The following SORCS1 variants were observed in gnomAD, a reference collection of about 807,000 sequenced individuals.
SORCS1 encodes the protein VPS10 domain-containing receptor SorCS1.
In SORCS1, 60 loss-of-function variants were observed where a neutral mutation model predicts 146.1. The ratio of observed to expected loss-of-function variants is 0.41; its 90% CI spans 0.33 to 0.51. The LOEUF is 0.51. Among genes scored for constraint, SORCS1 ranks in the 20% least tolerant of loss-of-function variants. The probability of loss-of-function intolerance (pLI) is 0.21; values close to 1 mark genes in which losing one functional copy is unlikely to be tolerated. For synonymous variants in SORCS1, 637 were observed against 584.0 expected (o/e 1.09, Z -1.31); for missense variants, 1,352 against 1,487.6 (o/e 0.91, Z 1.50).
chr10:106,834,852 AAG>A (rs1262995073), intron 2 of SORCS1, among the ~76,000 whole-genome samples: 1 of 152,214 alleles, frequency 6.6e-6, no homozygotes, highest in African/African-American at 2.4e-5. Context: ...ATAAATGAAA[AAG>A]AGAGCTTCTG....
At chr10:106,609,137 T>C (rs537491787) in intron 22 of SORCS1, among the ~76,000 whole-genome samples, 1 of 152,280 alleles carries the variant, frequency 6.6e-6, no homozygotes, top group African/African-American at 2.4e-5. Context: ...CTGCTGATGC[T>C]TTTGAAGCCT....
intron 1 of SORCS1, among the ~76,000 whole-genome samples, chr10:107,000,164 ATGT>A (rs1957158891): frequency 6.6e-6 from 1 of 152,234 alleles, no homozygotes; most frequent in Non-Finnish European, 1.5e-5. Flanking sequence ...ATTTTTTAAA[ATGT>A]TGTTACTGTA....
intron 5 of SORCS1, among the ~76,000 whole-genome samples, chr10:106,749,154 G>C (rs1179489521): frequency 6.6e-6 from 1 of 152,158 alleles, no homozygotes; most frequent in Non-Finnish European, 1.5e-5. Context: ...TCTCTGTAAG[G>C]TTTCATATTA....
intron 3 of SORCS1, among the ~76,000 whole-genome samples, chr10:106,792,293 T>G (rs1270864464): frequency 6.6e-6 from 1 of 152,250 alleles, no homozygotes; most frequent in Non-Finnish European, 1.5e-5. Flanking sequence ...TTCTCCTTTT[T>G]GTACTATGTC....
chr10:106,840,710 A>C (rs755353132), intron 2 of SORCS1, among the ~76,000 whole-genome samples: 1 of 151,896 alleles, frequency 6.6e-6, no homozygotes, highest in Non-Finnish European at 1.5e-5. Context: ...AGGAAACTTT[A>C]TTGTTATTTT....
At chr10:107,088,886 A>C (rs917824565) in intron 1 of SORCS1, among the ~76,000 whole-genome samples, 5 of 152,228 alleles carry the variant, frequency 3.3e-5, no homozygotes, top group Non-Finnish European at 7.3e-5. Flanking sequence ...GGATCTGTGT[A>C]ATTTCCAATC....
At chr10:107,116,478 G>T (rs555819311) in intron 1 of SORCS1, among the ~76,000 whole-genome samples, 51 of 152,096 alleles carry the variant, frequency 3.4e-4, no homozygotes, top group African/African-American at 1.2e-3. Flanking sequence ...ACAAGCAATG[G>T]AACATTATAC....
intron 1 of SORCS1, among the ~76,000 whole-genome samples, chr10:106,977,493 T>C (rs957443296): frequency 5.3e-5 from 8 of 152,132 alleles, no homozygotes; most frequent in Non-Finnish European, 1.2e-4. Flanking sequence ...TGTTCATCAG[T>C]GAACAGACAA....
intron 5 of SORCS1, among the ~76,000 whole-genome samples, chr10:106,732,541 T>C (rs1381099261): frequency 1.3e-5 from 2 of 152,202 alleles, no homozygotes; most frequent in Admixed American, 1.3e-4. Context: ...GTTGTTCAAC[T>C]GTCCACCTTG....
At chr10:106,922,664 T>C (rs1952769014) in intron 2 of SORCS1, among the ~76,000 whole-genome samples, 3 of 152,192 alleles carry the variant, frequency 2.0e-5, no homozygotes, top group Non-Finnish European at 4.4e-5. Flanking sequence ...GTGGTACACT[T>C]GTTGCAACTG....
chr10:106,784,917 A>C (rs1167166451), intron 3 of SORCS1, among the ~76,000 whole-genome samples: 1 of 152,222 alleles, frequency 6.6e-6, no homozygotes, highest in Non-Finnish European at 1.5e-5. Flanking sequence ...TTAGAGTTTG[A>C]ATAAGTGTCA....
intron 1 of SORCS1, among the ~76,000 whole-genome samples, chr10:106,968,355 C>T (rs554955788): frequency 2.6e-5 from 4 of 152,350 alleles, no homozygotes; most frequent in Admixed American, 6.5e-5. Context: ...TTTCCATGCT[C>T]TCAAATCAGT....
chr10:107,068,598 G>A (rs1454115806), intron 1 of SORCS1, among the ~76,000 whole-genome samples: 1 of 152,184 alleles, frequency 6.6e-6, no homozygotes, highest in South Asian at 2.1e-4. Context: ...CGAGCATGGT[G>A]GCTCACGCCT....
At chr10:106,841,331 G>A (rs1171533922) in intron 2 of SORCS1, among the ~76,000 whole-genome samples, 1 of 152,024 alleles carries the variant, frequency 6.6e-6, no homozygotes, top group Non-Finnish European at 1.5e-5. Context: ...CTAGCCTGGT[G>A]TGGTGGCATG....
intron 3 of SORCS1, among the ~76,000 whole-genome samples, chr10:106,809,595 T>C (rs1246674566): frequency 6.6e-6 from 1 of 152,158 alleles, no homozygotes. Context: ...AGGAAGGGGC[T>C]AGTAAAGGTG....
intron 1 of SORCS1, among the ~76,000 whole-genome samples, chr10:107,104,388 C>T (rs1965157523): frequency 6.6e-6 from 1 of 152,172 alleles, no homozygotes; most frequent in Admixed American, 6.5e-5. Context: ...ATATGTTTGG[C>T]TTGAAAGGTC....
chr10:106,724,913 G>A (rs905116468), intron 6 of SORCS1, among the ~76,000 whole-genome samples: 7 of 152,196 alleles, frequency 4.6e-5, no homozygotes, highest in Non-Finnish European at 7.3e-5. Context: ...GCCAGCGTGG[G>A]TGGATCACTT....
At chr10:107,092,692 C>T (rs534817048) in intron 1 of SORCS1, among the ~76,000 whole-genome samples, 10 of 152,218 alleles carry the variant, frequency 6.6e-5, no homozygotes, top group African/African-American at 2.4e-4. Context: ...TTTATTTTTA[C>T]ACCCTTTTCT....
rs113678721 is a variant in SORCS1 at position 106,718,064 on chromosome 10, C to A, written c.1025-8723G>T. On this transcript the variant is annotated intron_variant, in intron 6 of 25. Transcript: ENST00000263054. ...CAGGGATGGGGACATGATGGAAAAG[C>A]TGAGGGAAAGCCTAGAAGGCTGCCT... Among the ~76,000 whole-genome samples, 885 of 152,204 alleles carry A rather than the reference C, an allele frequency of 5.8e-3. 4 individuals carry two copies. The highest frequency in any genetic ancestry group is 0.011 in the Non-Finnish European group (727 of 68,008).
Sources: gnomAD v4.1 joint callset for allele counts (sites outside exome capture counted in the v4.1 genomes callset) on GRCh38, gnomAD v4.1.1 for gene constraint, MANE v1.5 for transcripts, NCBI Gene and HGNC (gene_info 2026-07-23, HGNC 2026-07-21) for gene names.